SCN8A: variants seen among roughly 807,000 people sequenced by gnomAD.
SCN8A encodes the protein sodium voltage-gated channel alpha subunit 8.
In SCN8A, 30 loss-of-function variants were observed where a neutral mutation model predicts 184.1. The ratio of observed to expected loss-of-function variants is 0.16; its 90% CI spans 0.12 to 0.22. The LOEUF (loss-of-function observed/expected upper bound fraction) is 0.22. Among genes scored for constraint, SCN8A ranks in the 10% least tolerant of loss-of-function variants. SCN8A has a pLI of 1.00. For synonymous variants in SCN8A, 852 were observed against 907.0 expected (o/e 0.94, Z 1.09); for missense variants, 1,057 against 2,498.9 (o/e 0.42, Z 12.30).
intron 26 of SCN8A, among the ~76,000 whole-genome samples, chr12:51,800,455 AG>A (rs1270108236): frequency 6.6e-6 from 1 of 152,222 alleles, no homozygotes; most frequent in Non-Finnish European, 1.5e-5. Flanking sequence ...TAATCTCCAC[AG>A]TCCCTCCAGG....
At chr12:51,665,829 T>C (rs2047041) in intron 2 of SCN8A, among the ~76,000 whole-genome samples, 131,487 of 152,170 alleles carry the variant, frequency 0.86, 57,062 homozygotes, top group East Asian at 0.99. Context: ...TTTGGGAGGC[T>C]GAGGTGGGTG....
intron 26 of SCN8A, 128 bp downstream of exon 26, chr12:51,794,769 C>A: frequency 1.1e-6 from 1 of 881,246 alleles, no homozygotes; most frequent in Non-Finnish European, 1.7e-6. Context: ...AGCTTAAGTC[C>A]ATGTGTGCCC....
At chr12:51,591,841 C>G (rs985681395) in intron 1 of SCN8A, among the ~76,000 whole-genome samples, 2 of 152,014 alleles carry the variant, frequency 1.3e-5, no homozygotes, top group South Asian at 2.1e-4. Flanking sequence ...CGGCTTCACA[C>G]TGCTAAAAAC....
At chr12:51,591,980 T>G (rs1047496821) in intron 1 of SCN8A, among the ~76,000 whole-genome samples, 6 of 146,178 alleles carry the variant, frequency 4.1e-5, no homozygotes, top group Non-Finnish European at 7.4e-5. Flanking sequence ...TCCCGGGACC[T>G]TCCTCGGCAG....
chr12:51,735,509 A>ATC (rs1234894981), intron 12 of SCN8A, among the ~76,000 whole-genome samples: 1 of 152,198 alleles, frequency 6.6e-6, no homozygotes, highest in Non-Finnish European at 1.5e-5. Context: ...GAGTGATTGC[A>ATC]TCCAGGCATT....
At chr12:51,684,648 G>A (rs1312179455) in intron 3 of SCN8A, among the ~76,000 whole-genome samples, 1 of 152,118 alleles carries the variant, frequency 6.6e-6, no homozygotes, top group African/African-American at 2.4e-5. Flanking sequence ...ATTATTAGAG[G>A]TTTTTGAAAG....
At chr12:51,789,547 C>T in intron 24 of SCN8A, 129 bp downstream of exon 24, 3 of 1,078,406 alleles carry the variant, frequency 2.8e-6, no homozygotes, top group Middle Eastern at 2.1e-4. Flanking sequence ...TCACTGTGAC[C>T]CTGGCCCCCA....
At chr12:51,724,956 C>T (rs1180394219) in intron 12 of SCN8A, among the ~76,000 whole-genome samples, 1 of 152,106 alleles carries the variant, frequency 6.6e-6, no homozygotes, top group Non-Finnish European at 1.5e-5. Context: ...TACTGCTTTA[C>T]ACTGTGGTCT....
intron 17 of SCN8A, among the ~76,000 whole-genome samples, 195 bp downstream of exon 17, chr12:51,769,530 A>G (rs893286210): frequency 9.9e-5 from 15 of 152,116 alleles, no homozygotes; most frequent in African/African-American, 3.1e-4. Flanking sequence ...ATGATCCTGG[A>G]CCCACCTGTG....
intron 26 of SCN8A, 37 bp downstream of exon 26, chr12:51,794,678 G>T: frequency 6.3e-7 from 1 of 1,590,768 alleles, no homozygotes; most frequent in Non-Finnish European, 8.6e-7. Flanking sequence ...GGGGAAAGGG[G>T]ACCTGACTGA....
At chr12:51,804,098 C>T (rs1938625501) in intron 26 of SCN8A, among the ~76,000 whole-genome samples, 1 of 152,198 alleles carries the variant, frequency 6.6e-6, no homozygotes, top group African/African-American at 2.4e-5. Context: ...GCCTTCCCTT[C>T]GGTTGTCATT....
intron 11 of SCN8A, among the ~76,000 whole-genome samples, chr12:51,712,173 C>T (rs1323642091): frequency 6.6e-6 from 1 of 152,146 alleles, no homozygotes; most frequent in Non-Finnish European, 1.5e-5. Flanking sequence ...AAGAAAAAGA[C>T]AAGGCTACAA....
At chr12:51,729,259 C>T (rs1942203787) in intron 12 of SCN8A, among the ~76,000 whole-genome samples, 1 of 152,140 alleles carries the variant, frequency 6.6e-6, no homozygotes, top group Admixed American at 6.5e-5. Context: ...AAGGAGTTAT[C>T]TGAGCAATTG....
intron 1 of SCN8A, among the ~76,000 whole-genome samples, chr12:51,631,525 A>G (rs1940196099): frequency 6.6e-6 from 1 of 152,226 alleles, no homozygotes. Flanking sequence ...CTTTAAGACC[A>G]CTACCTGAAG....
rs1555223838 is a variant in SCN8A, at chr12:51,745,924, A to G, written c.2020A>G (p.Lys674Glu). The change falls in exon 13 of 27, where the codon AAG becomes GAG. Residue 674 changes from lysine (K) to glutamate (E), a missense_variant. Lys to Glu is a moderately conservative substitution (Grantham distance 56). Coordinates refer to ENST00000627620, the MANE Select transcript of SCN8A (RefSeq NM_001330260.2). ...AAAGGCTACAACTGAGGTGGAAATT[A>G]AGAAGAAAGGCCCTGGATCTCTTTT... ...LPEATTEVEI[K>E]KKGPGSLLVS... The G allele has an allele frequency of 1.3e-6, 2 of 1,590,382 alleles. No homozygotes were observed.
At chr12:51,743,322 C>T (rs978610428) in intron 12 of SCN8A, among the ~76,000 whole-genome samples, 4 of 152,006 alleles carry the variant, frequency 2.6e-5, no homozygotes, top group Non-Finnish European at 5.9e-5. Context: ...TTATAGTCTT[C>T]GCAATCTGGG....
chr12:51,737,753 G>A (rs1439406005), intron 12 of SCN8A, among the ~76,000 whole-genome samples: 1 of 152,188 alleles, frequency 6.6e-6, no homozygotes. Flanking sequence ...TTTACTGCAG[G>A]AATTGTAAAT....
intron 12 of SCN8A, among the ~76,000 whole-genome samples, chr12:51,737,412 C>G (rs1282101749): frequency 6.6e-6 from 1 of 152,170 alleles, no homozygotes; most frequent in Admixed American, 6.5e-5. Flanking sequence ...AGTTGTAACT[C>G]TGCCTCTGCC....
At chr12:51,773,839 G>A (rs1234966809) in intron 19 of SCN8A, among the ~76,000 whole-genome samples, 2 of 152,062 alleles carry the variant, frequency 1.3e-5, no homozygotes, top group Non-Finnish European at 2.9e-5. Context: ...GAGAAAGTAG[G>A]TGAGTGGCTG....
Sources: allele counts gnomAD v4.1 joint callset (sites outside exome capture counted in the v4.1 genomes callset), GRCh38; gene constraint gnomAD v4.1.1; transcripts MANE v1.5; gene names NCBI Gene and HGNC (gene_info 2026-07-23, HGNC 2026-07-21).